Variants in ASIP observed in about 807,000 individuals in gnomAD.
ASIP encodes the protein agouti-signaling protein.
ASIP carries 11 observed loss-of-function variants against 10.3 expected under a neutral mutation model. That is an observed-to-expected ratio of 1.07 (90% confidence interval 0.68 to 1.78). ASIP has a LOEUF of 1.78. Among genes scored for constraint, ASIP ranks in the 40% most tolerant of loss-of-function variants. The pLI is 0.00. For synonymous variants in ASIP, 70 were observed against 70.8 expected (o/e 0.99, Z 0.06); for missense variants, 180 against 169.2 (o/e 1.06, Z -0.35).
upstream of ASIP, among the ~76,000 whole-genome samples, chr20:34,239,437 G>A (rs1183269437): frequency 2.0e-5 from 3 of 152,064 alleles, no homozygotes; most frequent in Admixed American, 6.6e-5. Context: ...GGCTCTTCTC[G>A]AACTCCTGAC....
rs1482192036 is a variant in ASIP, at chr20:34,269,002, G to A, written c.234G>A (p.Ser78=). 37 of 1,606,580 alleles carry A rather than the reference G, an allele frequency of 2.3e-5. No homozygotes were observed. Among genetic ancestry groups the A allele is most frequent in the Non-Finnish European group, 3.1e-5 (36 of 1,177,246 alleles). Residue 78 remains serine, a synonymous_variant, in exon 4 of 4, where the codon TCG becomes TCA. Transcript: ENST00000374954. ...EKKRSSKKEA[S]MKKVVRPRTP... ...CGTTTCCCACGCAGAAGGAGGCTTC[G>A]ATGAAGAAAGTGGTGCGGCCCCGGA...
intron 1 of ASIP, among the ~76,000 whole-genome samples, chr20:34,204,575 G>A (rs1317548238): frequency 6.6e-6 from 1 of 152,074 alleles, no homozygotes; most frequent in Non-Finnish European, 1.5e-5. Flanking sequence ...TAAGAACAAT[G>A]ATGAATAAAA....
At chr20:34,196,318 C>T (rs576431960) in intron 1 of ASIP, among the ~76,000 whole-genome samples, 8 of 151,412 alleles carry the variant, frequency 5.3e-5, no homozygotes, top group East Asian at 3.9e-4. Context: ...TAGCTACAGG[C>T]GCCCGCCACC....
At position 34,203,648 on chromosome 20, in the gene ASIP, C is replaced by T. The variant is rs770647596; in HGVS notation, c.-11+8888C>T. 3.3e-5 allele frequency among the ~76,000 whole-genome samples: 5 copies of T among 152,176 alleles called. No homozygotes were observed. The East Asian group carries it at 5.8e-4, about 18-fold the overall frequency. On this transcript the variant is annotated intron_variant, in intron 1 of 3. Transcript: ENST00000568305. ...CTAACTTCAAGTGATCCTCCCACCT[C>T]GGCCTCCCAAAGTGCTGAGATTACA...
At chr20:34,215,825 G>A (rs1166455748) in intron 1 of ASIP, 2 of 1,501,762 alleles carry the variant, frequency 1.3e-6, no homozygotes, top group Admixed American at 3.4e-5. Flanking sequence ...CTCAAAATAG[G>A]CCAGGGCCCT....
intron 3 of ASIP, among the ~76,000 whole-genome samples, chr20:34,265,359 C>CA: frequency 6.6e-6 from 1 of 151,958 alleles, no homozygotes; most frequent in Non-Finnish European, 1.5e-5. Context: ...CTCATCTCTA[C>CA]AAAAAATTTA....
intron 1 of ASIP, chr20:34,213,651 G>A: frequency 1.9e-6 from 3 of 1,562,734 alleles, no homozygotes; most frequent in Non-Finnish European, 2.6e-6. Flanking sequence ...ACTCCTGGAG[G>A]TCTTTTGCTT....
chr20:34,257,555 T>C (rs1022275673), intron 1 of ASIP, among the ~76,000 whole-genome samples: 1 of 152,190 alleles, frequency 6.6e-6, no homozygotes, highest in East Asian at 1.9e-4. Context: ...TATTTAATTT[T>C]ATGTAACTAA....
intron 1 of ASIP, chr20:34,213,702 C>T (rs145381953): frequency 2.4e-5 from 36 of 1,526,732 alleles, no homozygotes; most frequent in Middle Eastern, 1.7e-4. Context: ...ATGGGATGAA[C>T]GGAAAAACTT....
intron 1 of ASIP, among the ~76,000 whole-genome samples, chr20:34,209,690 C>A (rs1293719680): frequency 1.3e-5 from 2 of 152,188 alleles, no homozygotes; most frequent in Non-Finnish European, 2.9e-5. Context: ...TCCCCTGCTG[C>A]CTTGGGCCCC....
At chr20:34,243,792 C>T (rs1168583285) in intron 1 of ASIP, among the ~76,000 whole-genome samples, 2 of 150,706 alleles carry the variant, frequency 1.3e-5, no homozygotes, top group Non-Finnish European at 2.9e-5. Flanking sequence ...TCGCCGGGCG[C>T]GGTGGCTCAC....
At chr20:34,251,414 G>A (rs1286424392) in intron 1 of ASIP, among the ~76,000 whole-genome samples, 60 of 152,100 alleles carry the variant, frequency 3.9e-4, no homozygotes, top group Non-Finnish European at 1.0e-4. Context: ...GGGACTACAG[G>A]TGCCCGCCAC....
intron 1 of ASIP, among the ~76,000 whole-genome samples, chr20:34,258,979 G>A (rs1431399518): frequency 1.4e-5 from 2 of 145,468 alleles, no homozygotes; most frequent in Non-Finnish European, 3.0e-5. Context: ...TAGGTGGGAG[G>A]ATCACTTGAG....
intron 1 of ASIP, among the ~76,000 whole-genome samples, chr20:34,255,726 A>G (rs2035556117): frequency 6.6e-6 from 1 of 152,242 alleles, no homozygotes; most frequent in Non-Finnish European, 1.5e-5. Flanking sequence ...CCAGAAGACA[A>G]GAGTGTGAGC....
upstream of ASIP, among the ~76,000 whole-genome samples, chr20:34,192,476 TTTTC>T (rs1297514023): frequency 3.3e-5 from 5 of 152,146 alleles, no homozygotes; most frequent in East Asian, 7.7e-4. Flanking sequence ...GCTCAATTTC[TTTTC>T]TTTGTTTCTT....
chr20:34,257,872 G>A (rs1331996588), intron 1 of ASIP, among the ~76,000 whole-genome samples: 3 of 152,096 alleles, frequency 2.0e-5, no homozygotes, highest in Non-Finnish European at 2.9e-5. Context: ...GGCTGGGTGC[G>A]GTGGCTCACA....
At chr20:34,250,154 A>G (rs980668347) in intron 1 of ASIP, 5 of 152,278 alleles carry the variant, frequency 3.3e-5, no homozygotes, top group African/African-American at 4.8e-5. Flanking sequence ...GGAAGCCACT[A>G]TTATGACTAA....
At chr20:34,215,367 C>A in intron 1 of ASIP, 15 of 1,573,468 alleles carry the variant, frequency 9.5e-6, no homozygotes, top group Non-Finnish European at 1.3e-5. Flanking sequence ...ACTGTTCCCT[C>A]ATGGTATCTT....
chr20:34,251,476 G>A (rs972494351), intron 1 of ASIP, among the ~76,000 whole-genome samples: 5 of 151,828 alleles, frequency 3.3e-5, no homozygotes, highest in Non-Finnish European at 7.4e-5. Context: ...GGGTTTTACC[G>A]TGTTAGCCAG....
Sources: allele counts gnomAD v4.1 joint callset (sites outside exome capture counted in the v4.1 genomes callset), GRCh38; gene constraint gnomAD v4.1.1; transcripts MANE v1.5; gene names NCBI Gene and HGNC (gene_info 2026-07-23, HGNC 2026-07-21).